Variants in POLN observed in about 807,000 individuals in gnomAD.
The protein encoded by POLN is DNA polymerase nu.
In POLN, 108 loss-of-function variants were observed where a neutral mutation model predicts 113.5. The observed-to-expected ratio is 0.95, with a 90% CI of 0.81 to 1.12. The LOEUF (loss-of-function observed/expected upper bound fraction) is 1.12. Among genes scored for constraint, POLN ranks in the 50% most tolerant of loss-of-function variants. The pLI is 0.00. For missense variants in POLN, 1,097 were observed against 1,077.1 expected (o/e 1.02, Z -0.26); for synonymous variants, 386 against 391.5 (o/e 0.99, Z 0.17).
chr4:2,073,078 G>T, intron 24 of POLN, 49 bp from the exon 25 acceptor site: 1 of 1,583,834 alleles, frequency 6.3e-7, no homozygotes, highest in Non-Finnish European at 8.7e-7. Flanking sequence ...TGGCCTTGGG[G>T]CCTGGGAGCC....
intron 20 of POLN, chr4:2,089,596 T>C: frequency 1.0e-6 from 1 of 1,002,612 alleles, no homozygotes; most frequent in Non-Finnish European, 1.5e-6. Flanking sequence ...TTTACTAGCA[T>C]TTAAATTATC....
At chr4:2,207,457 A>T (rs180937255) in intron 5 of POLN, among the ~76,000 whole-genome samples, 9 of 152,248 alleles carry the variant, frequency 5.9e-5, no homozygotes, top group East Asian at 5.8e-4. Flanking sequence ...AATTTTTTTT[A>T]AAAATATGAC....
At chr4:2,080,016 A>C in intron 23 of POLN, 1 of 985,440 alleles carries the variant, frequency 1.0e-6, no homozygotes, top group Non-Finnish European at 1.2e-6. Flanking sequence ...CCCCCACGGG[A>C]CTGTCGCCAA....
At chr4:2,141,277 C>T (rs1343383744) in intron 16 of POLN, among the ~76,000 whole-genome samples, 2 of 152,224 alleles carry the variant, frequency 1.3e-5, no homozygotes, top group African/African-American at 4.8e-5. Flanking sequence ...CCAGTTTAGA[C>T]ATGTGGGGAA....
chr4:2,121,790 CT>C (rs561846189), intron 19 of POLN, among the ~76,000 whole-genome samples: 33 of 148,718 alleles, frequency 2.2e-4, no homozygotes, highest in Admixed American at 4.0e-4. Flanking sequence ...AAAGAGCTAA[CT>C]TTTTTTTTTA....
At chr4:2,187,153 G>C (rs1733296318) in intron 7 of POLN, among the ~76,000 whole-genome samples, 1 of 152,172 alleles carries the variant, frequency 6.6e-6, no homozygotes, top group African/African-American at 2.4e-5. Flanking sequence ...AGAATTAGTG[G>C]TGTTCAAGAT....
At chr4:2,117,853 A>G (rs1423361504) in intron 19 of POLN, among the ~76,000 whole-genome samples, 2 of 152,136 alleles carry the variant, frequency 1.3e-5, no homozygotes, top group Non-Finnish European at 2.9e-5. Context: ...CATGTAAGAG[A>G]GCAGTGAAGA....
chr4:2,113,239 G>T, intron 19 of POLN, among the ~76,000 whole-genome samples: 1 of 118,950 alleles, frequency 8.4e-6, no homozygotes, highest in Admixed American at 9.6e-5. Flanking sequence ...ACTGTTGCAG[G>T]GTGGGGGGAG....
chr4:2,081,100 C>G (rs1485715995), intron 22 of POLN, 64 bp from the exon 23 acceptor site: 1 of 1,611,064 alleles, frequency 6.2e-7, no homozygotes, highest in Admixed American at 1.7e-5. Flanking sequence ...ACTCAGCATT[C>G]TGCACCATCG....
At chr4:2,152,179 G>A (rs1442601791) in intron 16 of POLN, among the ~76,000 whole-genome samples, 17 of 151,074 alleles carry the variant, frequency 1.1e-4, no homozygotes. Context: ...CCATAGGCGT[G>A]CACCACCATG....
chr4:2,074,268 C>T (rs1197065382), intron 24 of POLN, among the ~76,000 whole-genome samples: 1 of 152,154 alleles, frequency 6.6e-6, no homozygotes, highest in Non-Finnish European at 1.5e-5. Context: ...CTACACACCG[C>T]CTGGGAGATA....
chr4:2,236,899 A>ATAT (rs751975834), intron 2 of POLN, among the ~76,000 whole-genome samples: 2 of 149,316 alleles, frequency 1.3e-5, no homozygotes, highest in Admixed American at 6.7e-5. Context: ...TATAATAATA[A>ATAT]TATTATTATT....
In POLN at chr4:2,174,771, A is replaced by G. The variant is rs943790088; in HGVS notation, c.1249-20T>C. The G allele has an allele frequency of 3.3e-6, 5 of 1,533,910 alleles. No homozygotes were observed. The highest frequency in any genetic ancestry group is 4.5e-6 in the Non-Finnish European group (5 of 1,113,244). On this transcript the variant is annotated intron_variant, in intron 9 of 25. Transcript: ENST00000511885. The stretch of plus-strand genomic sequence containing the variant: ...ATAATCCTGTTTAATAGGAAGAAAT[A>G]ACATCAACGTCAATTTAAATATTAT...
At chr4:2,156,348 G>A (rs767568022) in intron 16 of POLN, 16 of 431,254 alleles carry the variant, frequency 3.7e-5, no homozygotes, top group Non-Finnish European at 5.9e-5. Flanking sequence ...GATGCAAGCT[G>A]CATCATAAGT....
intron 3 of POLN, among the ~76,000 whole-genome samples, chr4:2,221,957 T>C (rs1734263184): frequency 6.6e-6 from 1 of 152,176 alleles, no homozygotes; most frequent in Admixed American, 6.5e-5. Context: ...CTTACACATA[T>C]TGAGGTTTCA....
Position 2,127,486 on chromosome 4 carries a change from C to A in POLN, c.1982+627G>T, listed in dbSNP as rs145114067. On this transcript the variant is annotated intron_variant, in intron 19 of 25. Transcript: ENST00000511885. The surrounding 1 kb of genome is among the most constrained non-coding windows in gnomAD (Gnocchi z 4.7). The stretch of plus-strand genomic sequence containing the variant: ...GGCTCTCCAAGAGCACCTTGACTTT[C>A]CTGGGCAGAGGAGAGGGGTGAGAGA... Among the ~76,000 whole-genome samples, 187 of 152,152 alleles carry A rather than the reference C, an allele frequency of 1.2e-3. No homozygotes were observed. Among genetic ancestry groups the A allele is most frequent in the African/African-American group, 4.3e-3 (179 of 41,514 alleles).
chr4:2,078,185 A>G (rs1170800204), intron 23 of POLN, among the ~76,000 whole-genome samples: 2 of 152,220 alleles, frequency 1.3e-5, no homozygotes, highest in African/African-American at 4.8e-5. Context: ...CAGGGGAGGG[A>G]CCGTCACAGC....
At chr4:2,152,673 T>C (rs988312121) in intron 16 of POLN, among the ~76,000 whole-genome samples, 11 of 152,006 alleles carry the variant, frequency 7.2e-5, no homozygotes, top group African/African-American at 2.7e-4. Context: ...TCTTAAATAG[T>C]GTGCAGCTGG....
rs1350165106 is a variant in POLN at position 2,092,796 on chromosome 4, T to A, written c.2065+3055A>T. ...AGCTGGTAGGTGCAAAGCTCCTCTA[T>A]GGAGTTTCCAAAGCGCCCCAGCAGC... On this transcript the variant is annotated intron_variant, in intron 20 of 25. Coordinates refer to ENST00000511885, the MANE Select transcript of POLN (RefSeq NM_181808.4). Among the ~76,000 whole-genome samples, 3 of 152,248 alleles carry A rather than the reference T, an allele frequency of 2.0e-5. No individual in the cohort carries two copies. In the East Asian group the frequency reaches 5.8e-4, roughly 29 times the overall value.
Sources: gnomAD v4.1 joint callset for allele counts (sites outside exome capture counted in the v4.1 genomes callset) on GRCh38, gnomAD v4.1.1 for gene constraint, Gnocchi (gnomAD v3.1) non-coding constraint, MANE v1.5 for transcripts, NCBI Gene and HGNC (gene_info 2026-07-23, HGNC 2026-07-21) for gene names.